CFAP52: variants seen among roughly 807,000 people sequenced by gnomAD.
The protein encoded by CFAP52 is cilia and flagella associated protein 52.
CFAP52 carries 57 observed loss-of-function variants against 70.5 expected under a neutral mutation model. The ratio of observed to expected loss-of-function variants is 0.81; its 90% CI spans 0.65 to 1.01. The LOEUF (loss-of-function observed/expected upper bound fraction) is 1.01, where lower values mean the gene tolerates loss of function less well. CFAP52 is among the 50% of genes least tolerant of loss of function. The probability of loss-of-function intolerance (pLI) is 0.00; values close to 1 mark genes in which losing one functional copy is unlikely to be tolerated. For synonymous variants in CFAP52, 267 were observed against 292.5 expected (o/e 0.91, Z 0.89); for missense variants, 785 against 788.5 (o/e 1.00, Z 0.05).
At chr17:9,631,022 G>C (rs1212810305) in intron 9 of CFAP52, among the ~76,000 whole-genome samples, 2 of 67,264 alleles carry the variant, frequency 3.0e-5, no homozygotes, top group African/African-American at 1.7e-4. Context: ...AAGAAAGAAA[G>C]AAAGAAAGAG....
intron 6 of CFAP52, among the ~76,000 whole-genome samples, chr17:9,602,521 T>C (rs946168611): frequency 2.9e-4 from 44 of 152,356 alleles, no homozygotes; most frequent in Non-Finnish European, 2.2e-4. Context: ...CTATCCAGTC[T>C]ATCATTGATG....
intron 4 of CFAP52, among the ~76,000 whole-genome samples, chr17:9,597,281 C>T (rs1358061701): frequency 2.0e-5 from 3 of 152,072 alleles, no homozygotes; most frequent in Non-Finnish European, 2.9e-5. Flanking sequence ...AAAGTCCATC[C>T]ATCTTTTGAT....
At chr17:9,605,311 A>G (rs1909439337) in intron 6 of CFAP52, among the ~76,000 whole-genome samples, 1 of 152,234 alleles carries the variant, frequency 6.6e-6, no homozygotes, top group South Asian at 2.1e-4. Flanking sequence ...TAGGAAAAGA[A>G]GGAAACTGAG....
At position 9,594,176 on chromosome 17, in the gene CFAP52, C is replaced by G; in HGVS notation, c.408-17C>G. 2 of 1,513,940 alleles carry G rather than the reference C, an allele frequency of 1.3e-6. No individual in the cohort carries two copies. The highest frequency in any genetic ancestry group is 1.8e-6 in the Non-Finnish European group (2 of 1,129,594). 93.8% of individuals were successfully genotyped at this position (1,513,940 alleles called of 1,614,324 possible). ...TTCTCTTTGACTTTTTTTTTTTGGT[C>G]CCTCTTATTTTGGCAGTGTGGTGGT... On this transcript the variant is annotated splice_polypyrimidine_tract_variant and intron_variant, in intron 3 of 13. Transcript: ENST00000352665.
chr17:9,581,629 T>A (rs1467555580), intron 1 of CFAP52, among the ~76,000 whole-genome samples: 1 of 152,068 alleles, frequency 6.6e-6, no homozygotes, highest in African/African-American at 2.4e-5. Flanking sequence ...TGAGTATGTC[T>A]GGAGAAGAGA....
At position 9,631,106 on chromosome 17, in the gene CFAP52, G is replaced by GAA. The variant is rs60109261; in HGVS notation, c.1175-1781_1175-1780dup. Among the ~76,000 whole-genome samples, 181 of 146,558 alleles carry GAA rather than the reference G, an allele frequency of 1.2e-3. 5 individuals carry two copies. Among genetic ancestry groups the GAA allele is most frequent in the Middle Eastern group, 0.01 (3 of 292 alleles). On this transcript the variant is annotated intron_variant, in intron 9 of 13. Transcript: ENST00000352665. Reference sequence around the variant, plus strand: ...AGAGAAAGAAAGAAAGAGAAAGAAAGAACATAAGTCAGAATTTGCCATATT... The same window carrying GAA: ...AGAGAAAGAAAGAAAGAGAAAGAAAGAAAACATAAGTCAGAATTTGCCATATT...
intron 1 of CFAP52, 40 bp from the exon 2 acceptor site, chr17:9,585,733 C>A: frequency 6.2e-7 from 1 of 1,603,678 alleles, no homozygotes; most frequent in Non-Finnish European, 8.5e-7. Context: ...CTGGCCACTT[C>A]TGCACCTGAT....
intron 3 of CFAP52, chr17:9,590,537 A>C (rs980789841): frequency 2.0e-5 from 3 of 153,332 alleles, no homozygotes. Context: ...GTTCAACTTA[A>C]AGCAGTTATT....
At chr17:9,596,125 A>T (rs1218320825) in intron 4 of CFAP52, among the ~76,000 whole-genome samples, 1 of 142,930 alleles carries the variant, frequency 7.0e-6, no homozygotes, top group Non-Finnish European at 1.5e-5. Context: ...AGAGAGACAG[A>T]CTCTCACACT....
chr17:9,598,720 C>CACT (rs1295311169), intron 5 of CFAP52, among the ~76,000 whole-genome samples: 2 of 147,988 alleles, frequency 1.4e-5, no homozygotes, highest in Non-Finnish European at 3.0e-5. Flanking sequence ...GGCATCATGC[C>CACT]ACTGCACTCC....
Position 9,631,769 on chromosome 17 carries a change from G to GTTTTTTTT in CFAP52, c.1175-1111_1175-1104dup, listed in dbSNP as rs562813196. Among the ~76,000 whole-genome samples the GTTTTTTTT allele has an allele frequency of 9.4e-3, 1,326 of 141,394 alleles. 22 individuals are homozygous for GTTTTTTTT. Among genetic ancestry groups the GTTTTTTTT allele is most frequent in the African/African-American group, 0.033 (1,248 of 38,052 alleles). 92.8% of individuals were successfully genotyped at this position (141,394 alleles called of 152,430 possible). On this transcript the variant is annotated intron_variant, in intron 9 of 13. Coordinates refer to ENST00000352665, the MANE Select transcript of CFAP52 (RefSeq NM_145054.5). ...GTGCAGTGGGAAAATGTTTTGGAAAGTTTTTTTTTTTTTTTGAGATGGAGT... is the reference window on the plus strand; with the variant it reads ...GTGCAGTGGGAAAATGTTTTGGAAAGTTTTTTTTTTTTTTTTTTTTTTTGAGATGGAGT...
chr17:9,602,388 T>A (rs1909309146), intron 6 of CFAP52, among the ~76,000 whole-genome samples: 1 of 82,628 alleles, frequency 1.2e-5, no homozygotes. Flanking sequence ...GGTTTTCTGT[T>A]CCTGTTTTAG....
chr17:9,638,922 A>T, intron 12 of CFAP52: 1 of 570,734 alleles, frequency 1.8e-6, no homozygotes, highest in Non-Finnish European at 3.1e-6. Flanking sequence ...CTGACCTCAT[A>T]GAGTAAGGAT....
rs753129964 is a variant in CFAP52 at position 9,641,772 on chromosome 17, G to T, written c.1624G>T (p.Gly542Cys). 1.2e-6 allele frequency: 2 copies of T among 1,614,002 alleles called. No homozygotes were observed. Among genetic ancestry groups the T allele is most frequent in the South Asian group, 2.2e-5 (2 of 91,078 alleles). The part of the protein sequence containing the change: ...FDGTVIRELE[G>C]SLSGSINGMD... ...TGGGACAGTAATCAGAGAATTGGAA[G>T]GTTCCCTGTCTGGGTCGATAAATGG... Residue 542 changes from glycine (G) to cysteine (C), a missense_variant, in exon 13 of 14, where the codon GGT becomes TGT. By Grantham distance (159) the Gly-to-Cys change is radical. Coordinates refer to ENST00000352665, the MANE Select transcript of CFAP52 (RefSeq NM_145054.5).
rs956980942 is a variant in CFAP52, at chr17:9,612,598, T to C, written c.1025+119T>C. On this transcript the variant is annotated intron_variant, in intron 8 of 13. Coordinates refer to ENST00000352665, the MANE Select transcript of CFAP52 (RefSeq NM_145054.5). ...GTTATGATTTTTCTCCTTAAATTTT[T>C]CTAACGTGGTGAATTATTTTAAGAG... 286 of 1,165,374 alleles carry C rather than the reference T, an allele frequency of 2.5e-4. 5 individuals are homozygous for C. In the South Asian group the frequency reaches 4.2e-3, roughly 17 times the overall value. The allele number at this position is 1,165,374 out of a possible 1,614,324, so 72.2% of individuals were successfully genotyped here.
intron 5 of CFAP52, among the ~76,000 whole-genome samples, chr17:9,599,454 GAT>G (rs1909167914): frequency 6.6e-6 from 1 of 152,186 alleles, no homozygotes; most frequent in Non-Finnish European, 1.5e-5. Flanking sequence ...GCCCTTAAGA[GAT>G]GTCTCAAAAT....
At chr17:9,598,140 A>G (rs938266130) in intron 4 of CFAP52, 94 bp from the exon 5 acceptor site, 32 of 965,244 alleles carry the variant, frequency 3.3e-5, no homozygotes, top group Non-Finnish European at 4.6e-5. Context: ...AGCCTCAAAA[A>G]TGTTTAGATC....
intron 1 of CFAP52, among the ~76,000 whole-genome samples, chr17:9,585,535 G>T (rs1306160514): frequency 1.3e-5 from 2 of 152,104 alleles, no homozygotes; most frequent in Non-Finnish European, 2.9e-5. Flanking sequence ...GCCAGGTGTG[G>T]TGGCGGGTGC....
intron 3 of CFAP52, among the ~76,000 whole-genome samples, chr17:9,593,703 G>A (rs535472390): frequency 4.6e-5 from 7 of 152,218 alleles, no homozygotes; most frequent in Middle Eastern, 3.4e-3. Context: ...TGATCCACCC[G>A]CCTCGGCCTC....
Sources: gnomAD v4.1 joint callset for allele counts (sites outside exome capture counted in the v4.1 genomes callset) on GRCh38, gnomAD v4.1.1 for gene constraint, MANE v1.5 for transcripts, NCBI Gene and HGNC (gene_info 2026-07-23, HGNC 2026-07-21) for gene names.